Variants in KPNB1 observed in about 807,000 individuals in gnomAD.
KPNB1 encodes the protein importin subunit beta-1.
In KPNB1, 7 loss-of-function variants were observed where a neutral mutation model predicts 113.0. That is an observed-to-expected ratio of 0.06 (90% CI 0.04 to 0.12). KPNB1 has a LOEUF of 0.12. KPNB1 is among the 10% of genes least tolerant of loss of function. The pLI, the probability that KPNB1 is intolerant of heterozygous loss-of-function variation, is 1.00. For synonymous variants in KPNB1, 363 were observed against 378.6 expected (o/e 0.96, Z 0.48); for missense variants, 400 against 1,054.8 (o/e 0.38, Z 8.60).
intron 15 of KPNB1, 41 bp downstream of exon 15, chr17:47,674,823 A>C (rs2030547599): frequency 6.4e-7 from 1 of 1,574,612 alleles, no homozygotes; most frequent in African/African-American, 1.4e-5. Context: ...TGTCTTTGGA[A>C]TGTAGGCATT....
At chr17:47,652,968 A>G in intron 3 of KPNB1, 92 bp downstream of exon 3, 1 of 930,304 alleles carries the variant, frequency 1.1e-6, no homozygotes, top group East Asian at 2.7e-5. Context: ...TAGAGCTAAC[A>G]GTGTGATAGG....
At chr17:47,666,394 T>TTG (rs140549997) in intron 9 of KPNB1, among the ~76,000 whole-genome samples, 30,488 of 139,448 alleles carry the variant, frequency 0.22, 3,584 homozygotes, top group East Asian at 0.36. Context: ...GTCTTTACTT[T>TTG]TGTGTGTGTG....
chr17:47,651,747 T>C (rs2143079942), intron 2 of KPNB1, among the ~76,000 whole-genome samples: 1 of 152,320 alleles, frequency 6.6e-6, no homozygotes, highest in East Asian at 1.9e-4. Flanking sequence ...GTAAGAAAAA[T>C]GTGTCTGCTT....
chr17:47,676,881 G>T, intron 16 of KPNB1, 139 bp from the exon 17 acceptor site: 1 of 582,284 alleles, frequency 1.7e-6, no homozygotes. Context: ...CTGCCATGTT[G>T]GTTGTTGAAA....
intron 2 of KPNB1, among the ~76,000 whole-genome samples, chr17:47,650,830 G>A (rs1915540462): frequency 1.3e-5 from 2 of 152,168 alleles, no homozygotes; most frequent in East Asian, 1.9e-4. Flanking sequence ...TCCGGGCCCG[G>A]CCGCCCGCCC....
In KPNB1 at chr17:47,649,936, C is replaced by G. The variant is rs774501973; in HGVS notation, c.-309C>G. 2 of 1,291,374 alleles carry G rather than the reference C, an allele frequency of 1.5e-6. No homozygotes were observed. Among genetic ancestry groups the G allele is most frequent in the South Asian group, 2.3e-5 (1 of 43,802 alleles). The allele number at this position is 1,291,374 out of a possible 1,614,324, so 80.0% of individuals were successfully genotyped here. ...CCCTCGCTCCCTCCCTGCGCGCCGC[C>G]TCTCACTCACAGCCTCCCTTCCTTC... is the stretch of plus-strand genomic sequence containing the variant. On this transcript the variant is annotated 5_prime_UTR_variant, in exon 1 of 22. Coordinates refer to ENST00000290158, the MANE Select transcript of KPNB1 (RefSeq NM_002265.6).
chr17:47,677,201 C>A, intron 17 of KPNB1, 74 bp downstream of exon 17: 1 of 1,152,236 alleles, frequency 8.7e-7, no homozygotes, highest in Non-Finnish European at 1.2e-6. Context: ...AGTTAAATAT[C>A]GACCAGGCTG....
rs949097683 is a variant in KPNB1, at chr17:47,669,540, C to G, written c.1225-138C>G. The G allele has an allele frequency of 3.4e-5, 20 of 595,924 alleles. No homozygotes were observed. The African/African-American group carries it at 3.7e-4, about 11-fold the overall frequency. The allele number at this position is 595,924 out of a possible 1,614,324, so 36.9% of individuals were successfully genotyped here. A position where few individuals can be genotyped will look rare whatever the true frequency, so the allele number is the denominator to read the frequency against. ...CAAATATTTTGAAAGATGTTTCACACCATGTCCTGTAAAATTACAGAAGTA... is the reference window on the plus strand; with the variant it reads ...CAAATATTTTGAAAGATGTTTCACAGCATGTCCTGTAAAATTACAGAAGTA... On this transcript the variant is annotated intron_variant, in intron 10 of 21. Transcript: ENST00000290158.
chr17:47,663,336 A>G (rs959335551), intron 7 of KPNB1, among the ~76,000 whole-genome samples, 158 bp downstream of exon 7: 9 of 152,204 alleles, frequency 5.9e-5, no homozygotes, highest in Non-Finnish European at 1.0e-4. Flanking sequence ...TGGTGTGCCA[A>G]GAAAACTGGT....
intron 15 of KPNB1, 43 bp downstream of exon 15, chr17:47,674,825 G>A (rs368480478): frequency 1.7e-5 from 26 of 1,572,574 alleles, no homozygotes; most frequent in East Asian, 6.8e-5. Context: ...TCTTTGGAAT[G>A]TAGGCATTTC....
Position 47,683,985 on chromosome 17 carries a change from T to A in KPNB1, c.*1581T>A, listed in dbSNP as rs1377166005. 6.6e-6 allele frequency: 1 copy of A among 152,154 alleles called. No homozygotes were observed. The highest frequency in any genetic ancestry group is 1.5e-5 in the Non-Finnish European group (1 of 68,010). The allele number at this position is 152,154 out of a possible 1,614,324, so 9.4% of individuals were successfully genotyped here. A position where few individuals can be genotyped will look rare whatever the true frequency, so the allele number is the denominator to read the frequency against. On this transcript the variant is annotated 3_prime_UTR_variant, in exon 22 of 22. Transcript: ENST00000290158. ...AGAGCCTTTCAGCAATAAGAAGGGA[T>A]GTTGGTGAGCTTTGATCCTCTTTTG...
At chr17:47,666,587 ATAT>A (rs1051780347) in intron 9 of KPNB1, among the ~76,000 whole-genome samples, 2 of 144,030 alleles carry the variant, frequency 1.4e-5, no homozygotes, top group Non-Finnish European at 3.0e-5. Flanking sequence ...TATGTACTAC[ATAT>A]TATATATAAT....
At chr17:47,650,893 C>T (rs1915544037) in intron 2 of KPNB1, among the ~76,000 whole-genome samples, 1 of 152,190 alleles carries the variant, frequency 6.6e-6, no homozygotes, top group Admixed American at 6.5e-5. Context: ...TGTGGCTCTC[C>T]CCACCTATTT....
chr17:47,678,449 C>T (rs2030675828), intron 19 of KPNB1, 36 bp downstream of exon 19: 1 of 1,429,566 alleles, frequency 7.0e-7, no homozygotes, highest in Admixed American at 1.7e-5. Flanking sequence ...CGTCCGCTCG[C>T]CAATGTGCAC....
In KPNB1 at chr17:47,650,303, G is replaced by T. The variant is rs200809004; in HGVS notation, c.40+19G>T. On this transcript the variant is annotated intron_variant, in intron 1 of 21. Coordinates refer to ENST00000290158, the MANE Select transcript of KPNB1 (RefSeq NM_002265.6). ...TCTCCCGGTAGGACGCAGGAGCCGG[G>T]GGTAGGGCTGAGGTGATTGGGGTGG... 1 of 1,608,146 alleles carries T rather than the reference G, an allele frequency of 6.2e-7. No individual in the cohort carries two copies. The highest frequency in any genetic ancestry group is 2.2e-5 in the East Asian group (1 of 44,574).
At chr17:47,673,277 C>T in intron 13 of KPNB1, 112 bp downstream of exon 13, 1 of 1,132,694 alleles carries the variant, frequency 8.8e-7, no homozygotes, top group Non-Finnish European at 1.3e-6. Context: ...TATATTTTCT[C>T]AGAAAGATAA....
chr17:47,666,660 C>T (rs1200508915), intron 9 of KPNB1, among the ~76,000 whole-genome samples: 1 of 149,368 alleles, frequency 6.7e-6, no homozygotes, highest in Non-Finnish European at 1.5e-5. Flanking sequence ...CACTCTGTTG[C>T]CAGGCTGGAG....
Position 47,678,377 on chromosome 17 carries a change from G to A in KPNB1, c.2317G>A (p.Val773Ile), listed in dbSNP as rs200435017. 30 of 1,613,974 alleles carry A rather than the reference G, an allele frequency of 1.9e-5. No homozygotes were observed. In the Admixed American group the frequency reaches 2.5e-4, roughly 13 times the overall value. ...ESCLEAYTGI[V>I]QGLKGDQENV... ...CTGCTTGGAAGCCTATACTGGAATC[G>A]TCCAGGGATTAAAGGGGGATCAGGA... Residue 773 changes from valine (V) to isoleucine (I), a missense_variant, in exon 19 of 22, where the codon GTC becomes ATC. Physicochemically the swap from Val to Ile is conservative, Grantham distance 29. Transcript: ENST00000290158.
rs759253356 is a variant in KPNB1, at chr17:47,663,261, A to G, written c.786+83A>G. 295 of 779,074 alleles carry G rather than the reference A, an allele frequency of 3.8e-4. 1 individual carries two copies. The highest frequency in any genetic ancestry group is 7.0e-4 in the Middle Eastern group (3 of 4,284). 48.3% of individuals were successfully genotyped at this position (779,074 alleles called of 1,614,324 possible). On this transcript the variant is annotated intron_variant, in intron 7 of 21. Coordinates refer to ENST00000290158, the MANE Select transcript of KPNB1 (RefSeq NM_002265.6). ...TTAGTCGCTATTTTGCCAATTCTGT[A>G]ATATTTTACTTAATACTATGGAATC...
Sources: allele counts gnomAD v4.1 joint callset (sites outside exome capture counted in the v4.1 genomes callset), GRCh38; gene constraint gnomAD v4.1.1; transcripts MANE v1.5; gene names NCBI Gene and HGNC (gene_info 2026-07-23, HGNC 2026-07-21).